CHD7: variants seen among roughly 807,000 people sequenced by gnomAD.
CHD7 encodes the protein ATP-dependent chromatin remodeler CHD7.
Under a neutral mutation model 307.3 loss-of-function variants are expected in CHD7, and 24 were observed. That is an observed-to-expected ratio of 0.08 (90% CI 0.06 to 0.11). The LOEUF is 0.11. CHD7 is among the 10% of genes least tolerant of loss of function. The pLI, the probability that CHD7 is intolerant of heterozygous loss-of-function variation, is 1.00. For synonymous variants in CHD7, 1,363 were observed against 1,349.9 expected (o/e 1.01, Z -0.21); for missense variants, 3,106 against 3,727.1 (o/e 0.83, Z 4.34).
intron 25 of CHD7, among the ~76,000 whole-genome samples, 160 bp from the exon 26 acceptor site, chr8:60,850,332 TC>T (rs1228757413): frequency 2.6e-5 from 4 of 152,222 alleles, no homozygotes; most frequent in Non-Finnish European, 4.4e-5. Flanking sequence ...GAAGGAGCGT[TC>T]CATAGAATGA....
Position 60,865,731 on chromosome 8 carries a change from T to C in CHD7, c.8792T>C (p.Val2931Ala), listed in dbSNP as rs754831415. ...FPALAGLQNA[V>A]GSSEEKAADK... is the part of the protein sequence containing the mutation. ...GCATTGGCAGGACTTCAGAATGCCG[T>C]GGGCTCCAGCGAAGAAAAGGCTGCT... Residue 2931 changes from valine (V) to alanine (A), a missense_variant, in exon 38 of 38, where the codon GTG becomes GCG. This residue lies in a region of CHD7 where 351 missense variants were observed against 366.2 expected (regional missense o/e 0.96). Coordinates refer to ENST00000423902, the MANE Select transcript of CHD7 (RefSeq NM_017780.4). The surrounding 1 kb of genome is among the most constrained non-coding windows in gnomAD (Gnocchi z 4.3). 2 of 1,611,648 alleles carry C rather than the reference T, an allele frequency of 1.2e-6. No individual in the cohort carries two copies. The highest frequency in any genetic ancestry group is 2.7e-5 in the African/African-American group (2 of 74,888).
intron 3 of CHD7, among the ~76,000 whole-genome samples, chr8:60,787,988 A>G (rs1210754879): frequency 6.6e-6 from 1 of 151,516 alleles, no homozygotes; most frequent in Non-Finnish European, 1.5e-5. Context: ...CGCCCTGCTA[A>G]TTTTTGTGTT....
intron 1 of CHD7, among the ~76,000 whole-genome samples, chr8:60,697,650 G>A (rs771611954): frequency 1.3e-5 from 2 of 152,102 alleles, no homozygotes; most frequent in Non-Finnish European, 2.9e-5. Flanking sequence ...AAAAAAAGTC[G>A]TGGAATTGAT....
At chr8:60,680,367 C>A (rs1278661157) in intron 1 of CHD7, among the ~76,000 whole-genome samples, 3 of 99,558 alleles carry the variant, frequency 3.0e-5, no homozygotes, top group Admixed American at 1.3e-4. Flanking sequence ...CGGTGCGGGG[C>A]GGGCGCGGCG....
intron 2 of CHD7, among the ~76,000 whole-genome samples, chr8:60,762,753 A>G (rs111723685): frequency 0.012 from 1,779 of 152,158 alleles, 22 homozygotes; most frequent in Admixed American, 0.043. Flanking sequence ...CCTGTCCCTC[A>G]TTTTCTCTGT....
intron 31 of CHD7, among the ~76,000 whole-genome samples, chr8:60,854,030 C>T (rs1338740682): frequency 6.6e-6 from 1 of 152,198 alleles, no homozygotes; most frequent in African/African-American, 2.4e-5. Flanking sequence ...GACAGAAGGT[C>T]AGCCCTTTTT....
At chr8:60,838,354 T>A in intron 19 of CHD7, 99 bp downstream of exon 19, 2 of 1,011,998 alleles carry the variant, frequency 2.0e-6, no homozygotes, top group Non-Finnish European at 2.9e-6. Flanking sequence ...CATTGGGAAT[T>A]AATCAAATTA....
chr8:60,841,641 T>A lies in CHD7; in HGVS notation c.4534-3T>A. ...AAGTAATGCGTTTCTTTTTTCTCTT[T>A]AGGCCAGTTTTGTTGCATCTGGAAA... is the stretch of plus-strand genomic sequence containing the variant. On this transcript the variant is annotated splice_polypyrimidine_tract_variant and splice_region_variant and intron_variant, in intron 19 of 37. Transcript: ENST00000423902. 6.2e-7 allele frequency: 1 copy of A among 1,605,432 alleles called. No homozygotes were observed. Among genetic ancestry groups the A allele is most frequent in the South Asian group, 1.1e-5 (1 of 90,938 alleles).
Position 60,742,682 on chromosome 8 carries a change from G to A in CHD7, c.1250G>A (p.Ser417Asn). Residue 417 changes from serine to asparagine, a missense_variant, in exon 2 of 38, where the codon AGT becomes AAT. Physicochemically the swap from Ser to Asn is conservative, Grantham distance 46. Transcript: ENST00000423902. The stretch of plus-strand genomic sequence containing the variant: ...CCTCCTCCACAAGTCAGGCCGGGAA[G>A]TGCTGGGATACCAATGGAAGTTGGC... ...GTPPPQVRPG[S>N]AGIPMEVGSY... 2 of 1,611,624 alleles carry A rather than the reference G, an allele frequency of 1.2e-6. No individual in the cohort carries two copies. Among genetic ancestry groups the A allele is most frequent in the Non-Finnish European group, 1.7e-6 (2 of 1,178,112 alleles).
intron 6 of CHD7, among the ~76,000 whole-genome samples, chr8:60,805,778 C>G (rs1343943433): frequency 6.6e-6 from 1 of 151,958 alleles, no homozygotes; most frequent in African/African-American, 2.4e-5. Context: ...ATAATACGAG[C>G]ATAGACATGA....
rs569213080 is a variant in CHD7 at position 60,781,302 on chromosome 8, G to A, written c.1968G>A (p.Pro656=). 4.5e-6 allele frequency: 7 copies of A among 1,566,404 alleles called. No homozygotes were observed. The highest frequency in any genetic ancestry group is 2.4e-5 in the East Asian group (1 of 41,868). The part of the protein sequence containing the change: ...RSKAKKDPKE[P]KEPKEKKEPK... ...AGGCAAAAAAAGACCCGAAGGAACC[G>A]AAAGAACCCAAGGAGAAAAAAGAGC... Residue 656 remains proline, a synonymous_variant, in exon 3 of 38, where the codon CCG becomes CCA. Coordinates refer to ENST00000423902, the MANE Select transcript of CHD7 (RefSeq NM_017780.4).
chr8:60,816,439 A>C lies in CHD7; in HGVS notation c.2551A>C (p.Arg851=), dbSNP rs1471496143. Residue 851 remains arginine (R), a synonymous_variant, in exon 8 of 38, where the codon AGA becomes CGA. Coordinates refer to ENST00000423902, the MANE Select transcript of CHD7 (RefSeq NM_017780.4). ...ASIEDLEKDK[R]IQQKIKRFKA... ...TATAGAAGATCTGGAAAAAGATAAG[A>C]GAATTCAGCAAAAAATTAAACGATT... 6.2e-7 allele frequency: 1 copy of C among 1,610,854 alleles called. No homozygotes were observed. Among genetic ancestry groups the C allele is most frequent in the African/African-American group, 1.3e-5 (1 of 74,884 alleles).
intron 3 of CHD7, among the ~76,000 whole-genome samples, chr8:60,787,228 G>A (rs753691654): frequency 2.0e-5 from 3 of 152,240 alleles, no homozygotes; most frequent in Non-Finnish European, 4.4e-5. Flanking sequence ...CATCTCACCT[G>A]AGGCACCTGA....
In CHD7 at chr8:60,768,886, C is replaced by T. The variant is rs115166024; in HGVS notation, c.1666-12114C>T. 7.6e-3 allele frequency among the ~76,000 whole-genome samples: 1,160 copies of T among 152,182 alleles called. 12 individuals carry two copies. Among genetic ancestry groups the T allele is most frequent in the African/African-American group, 0.026 (1,100 of 41,524 alleles). ...TGCAATAATTCATACATAAATACTG[C>T]TAAAACACCCCATCTTATGTGACTA... On this transcript the variant is annotated intron_variant, in intron 2 of 37. Transcript: ENST00000423902.
chr8:60,822,784 G>T (rs777328218), intron 12 of CHD7, 38 bp downstream of exon 12: 1 of 1,499,160 alleles, frequency 6.7e-7, no homozygotes, highest in Non-Finnish European at 9.0e-7. Context: ...TACTTACTCT[G>T]TGCATTTTAA....
chr8:60,856,835 G>T lies in CHD7; in HGVS notation c.7555G>T (p.Val2519Leu). The change falls in exon 34 of 38, where the codon GTG (valine) becomes TTG (leucine). Residue 2519 changes from valine (V) to leucine (L), a missense_variant. Physicochemically the swap from Val to Leu is conservative, Grantham distance 32. Transcript: ENST00000423902. Reference protein sequence around the residue: ...MKRRRGRRKNVEGLDLLFMSH... With the variant: ...MKRRRGRRKNLEGLDLLFMSH... The stretch of plus-strand genomic sequence containing the variant: ...GAGGAGGCGGGGAAGGAGGAAAAAT[G>T]TGGAGGGACTTGATCTGCTTTTCAT... The T allele has an allele frequency of 6.3e-7, 1 of 1,592,564 alleles. No individual in the cohort carries two copies. Among genetic ancestry groups the T allele is most frequent in the Non-Finnish European group, 8.6e-7 (1 of 1,169,386 alleles).
intron 15 of CHD7, among the ~76,000 whole-genome samples, chr8:60,834,311 C>T (rs961078637): frequency 6.6e-6 from 1 of 152,034 alleles, no homozygotes; most frequent in Non-Finnish European, 1.5e-5. Flanking sequence ...TGGATTTTAA[C>T]TTAGTATGGA....
intron 29 of CHD7, 90 bp from the exon 30 acceptor site, chr8:60,852,408 G>A (rs1026941364): frequency 5.1e-6 from 7 of 1,368,806 alleles, no homozygotes; most frequent in Middle Eastern, 2.0e-4. Context: ...TAACTACCAT[G>A]TATAAAGTCT....
At chr8:60,750,948 A>C (rs1809612940) in intron 2 of CHD7, among the ~76,000 whole-genome samples, 2 of 152,358 alleles carry the variant, frequency 1.3e-5, no homozygotes, top group African/African-American at 4.8e-5. Flanking sequence ...CGGTGTTTTT[A>C]GGTATAATGA....
Sources: allele counts gnomAD v4.1 joint callset (sites outside exome capture counted in the v4.1 genomes callset), GRCh38; gene constraint gnomAD v4.1.1; regional missense constraint gnomAD v4.1.1; non-coding constraint Gnocchi (gnomAD v3.1); transcripts MANE v1.5; gene names NCBI Gene and HGNC (gene_info 2026-07-23, HGNC 2026-07-21).